NCOA2: variants seen among roughly 807,000 people sequenced by gnomAD.
NCOA2 encodes class E basic helix-loop-helix protein 75.
Under a neutral mutation model 145.1 loss-of-function variants are expected in NCOA2, and 21 were observed. The observed-to-expected ratio is 0.14, with a 90% CI of 0.10 to 0.21. NCOA2 has a LOEUF of 0.21. Among genes scored for constraint, NCOA2 ranks in the 10% least tolerant of loss-of-function variants. The pLI is 1.00. For synonymous variants in NCOA2, 619 were observed against 637.5 expected (o/e 0.97, Z 0.44); for missense variants, 1,472 against 1,837.6 (o/e 0.80, Z 3.64).
chr8:70,213,797 T>C lies in NCOA2; in HGVS notation c.259+106A>G, dbSNP rs1586126338. On this transcript the variant is annotated intron_variant, in intron 4 of 22. Coordinates refer to ENST00000452400, the MANE Select transcript of NCOA2 (RefSeq NM_006540.4). ...CACTGTGACATCATTTCCTCATCAA[T>C]AATTTAAGCATAAGAAATGGATTAA... is the stretch of plus-strand genomic sequence containing the variant. 6.6e-6 allele frequency: 6 copies of C among 910,774 alleles called. No homozygotes were observed. The East Asian group carries it at 1.3e-4, about 20-fold the overall frequency. The allele number at this position is 910,774 out of a possible 1,614,324, so 56.4% of individuals were successfully genotyped here. A position where few individuals can be genotyped will look rare whatever the true frequency, so the allele number is the denominator to read the frequency against.
chr8:70,227,772 T>C (rs1820783614), intron 2 of NCOA2, among the ~76,000 whole-genome samples: 1 of 152,066 alleles, frequency 6.6e-6, no homozygotes, highest in Non-Finnish European at 1.5e-5. Context: ...CCCAGCACTA[T>C]GGGAGGCAGA....
chr8:70,146,098 T>C (rs1239707511), intron 12 of NCOA2, among the ~76,000 whole-genome samples: 1 of 152,216 alleles, frequency 6.6e-6, no homozygotes, highest in Non-Finnish European at 1.5e-5. Context: ...TATTAGAACA[T>C]CACTTCTTAA....
the NCOA2 span, among the ~76,000 whole-genome samples, chr8:70,451,528 G>A: frequency 4.6e-5 from 7 of 151,610 alleles, no homozygotes; most frequent in African/African-American, 2.4e-5. Context: ...TAATGTGTGC[G>A]TTTCTTCTGT....
In NCOA2 at chr8:70,163,557, G is replaced by C. The variant is rs1813290543; in HGVS notation, c.740C>G (p.Ser247Cys). The change falls in exon 8 of 23, where the codon TCC (serine) becomes TGC (cysteine). Residue 247 changes from serine (S) to cysteine (C), a missense_variant. Ser to Cys is a moderately radical substitution (Grantham distance 112). Coordinates refer to ENST00000452400, the MANE Select transcript of NCOA2 (RefSeq NM_006540.4). ...TCTTCTTGCCACGCAAATCAAGCAGGACTGCAAATCTTAAACCACACATGT... is the reference window on the plus strand; with the variant it reads ...TCTTCTTGCCACGCAAATCAAGCAGCACTGCAAATCTTAAACCACACATGT... ...SIKEEGEDLQ[S>C]CLICVARRVP... The C allele has an allele frequency of 6.2e-7, 1 of 1,613,346 alleles. No individual in the cohort carries two copies. Among genetic ancestry groups the C allele is most frequent in the African/African-American group, 1.3e-5 (1 of 74,880 alleles).
chr8:70,196,033 T>C (rs1298780306), intron 4 of NCOA2, among the ~76,000 whole-genome samples: 1 of 152,162 alleles, frequency 6.6e-6, no homozygotes, highest in Non-Finnish European at 1.5e-5. Context: ...AGTATTCAGA[T>C]AGTGTTCATG....
the NCOA2 span, among the ~76,000 whole-genome samples, chr8:70,430,194 T>C: frequency 6.6e-6 from 1 of 152,184 alleles, no homozygotes; most frequent in Non-Finnish European, 1.5e-5. Flanking sequence ...TGAATTGTAA[T>C]AGAAAGCAAG....
intron 1 of NCOA2, among the ~76,000 whole-genome samples, chr8:70,375,046 T>C (rs965065527): frequency 5.3e-5 from 8 of 151,544 alleles, no homozygotes; most frequent in Admixed American, 3.9e-4. Context: ...TCCTGGTAAA[T>C]GAAAAAAAAA....
intron 15 of NCOA2, among the ~76,000 whole-genome samples, chr8:70,134,950 T>C (rs563119151): frequency 2.6e-5 from 4 of 152,180 alleles, no homozygotes; most frequent in Non-Finnish European, 4.4e-5. Flanking sequence ...CAGGTTCCCA[T>C]TCCCAAAGCA....
chr8:70,151,613 A>G lies in NCOA2; in HGVS notation c.2395-3130T>C, dbSNP rs543523255. Reference sequence around the variant, plus strand: ...TAAATACATTTTTCTTAAGAAAGCCATTCAGGATCTTCTTAGTATCAAAAG... The same window carrying G: ...TAAATACATTTTTCTTAAGAAAGCCGTTCAGGATCTTCTTAGTATCAAAAG... On this transcript the variant is annotated intron_variant, in intron 11 of 22. Coordinates refer to ENST00000452400, the MANE Select transcript of NCOA2 (RefSeq NM_006540.4). 3.9e-5 allele frequency among the ~76,000 whole-genome samples: 6 copies of G among 152,310 alleles called. No homozygotes were observed. In the South Asian group the frequency reaches 1.2e-3, roughly 32 times the overall value.
At position 70,156,501 on chromosome 8, in the gene NCOA2, T is replaced by C; in HGVS notation, c.1864A>G (p.Ser622Gly). Reference sequence around the variant, plus strand: ...CTCTGCCCGTCAGCTCTCTCACTGCTCACGGCCGGGGGCAGGTTGGGGTCA... The same window carrying C: ...CTCTGCCCGTCAGCTCTCTCACTGCCCACGGCCGGGGGCAGGTTGGGGTCA... ...TNDPNLPPAVSSERADGQSRL... is the reference protein window; with the variant it reads ...TNDPNLPPAVGSERADGQSRL... The change falls in exon 11 of 23, where the codon AGC (serine) becomes GGC (glycine). Residue 622 changes from serine to glycine, a missense_variant. Transcript: ENST00000452400. The C allele has an allele frequency of 6.2e-7, 1 of 1,613,904 alleles. No individual in the cohort carries two copies. The highest frequency in any genetic ancestry group is 1.1e-5 in the South Asian group (1 of 91,078).
At chr8:70,369,511 G>T (rs1811020853) in intron 1 of NCOA2, among the ~76,000 whole-genome samples, 1 of 152,138 alleles carries the variant, frequency 6.6e-6, no homozygotes, top group Non-Finnish European at 1.5e-5. Context: ...GTGAGGCATG[G>T]ACCCAATTAT....
At chr8:70,122,424 T>C (rs1807927481) in intron 21 of NCOA2, among the ~76,000 whole-genome samples, 1 of 141,958 alleles carries the variant, frequency 7.0e-6, no homozygotes, top group South Asian at 2.2e-4. Flanking sequence ...TAATTTAAAC[T>C]TTTTTTTTTT....
intron 1 of NCOA2, among the ~76,000 whole-genome samples, chr8:70,341,430 T>C (rs1808132648): frequency 6.6e-6 from 1 of 152,204 alleles, no homozygotes; most frequent in Non-Finnish European, 1.5e-5. Flanking sequence ...GTTAAAATTC[T>C]ATGAAACTGG....
chr8:70,426,443 A>G, the NCOA2 span, among the ~76,000 whole-genome samples: 1 of 152,246 alleles, frequency 6.6e-6, no homozygotes, highest in Non-Finnish European at 1.5e-5. Flanking sequence ...TGAAGAAATC[A>G]ATTCAAATTG....
At chr8:70,224,494 A>G (rs992963638) in intron 2 of NCOA2, among the ~76,000 whole-genome samples, 5 of 152,000 alleles carry the variant, frequency 3.3e-5, no homozygotes, top group African/African-American at 1.2e-4. Context: ...ACCTATACCT[A>G]TAATTTATCA....
intron 15 of NCOA2, 110 bp downstream of exon 15, chr8:70,138,093 A>T (rs976240590): frequency 4.2e-5 from 50 of 1,196,590 alleles, no homozygotes; most frequent in Admixed American, 8.2e-5. Flanking sequence ...CACAGTAGAT[A>T]ATATAGTACC....
chr8:70,307,220 C>CAAAAAAAAAAAAAAAAAAAAAAAAAAA (rs57161747), intron 1 of NCOA2, among the ~76,000 whole-genome samples: 1 of 71,642 alleles, frequency 1.4e-5, no homozygotes, highest in Non-Finnish European at 3.1e-5. Flanking sequence ...CCTACATAAG[C>CAAAAAAAAAAAAAAAAAAAAAAAAAAA]AAAAAAAAAA....
chr8:70,291,934 G>A (rs1344252489), intron 2 of NCOA2, among the ~76,000 whole-genome samples: 1 of 151,868 alleles, frequency 6.6e-6, no homozygotes, highest in Admixed American at 6.6e-5. Flanking sequence ...CCCGTAGCCG[G>A]GTGCGGTGGC....
intron 1 of NCOA2, among the ~76,000 whole-genome samples, chr8:70,391,824 G>C (rs1160326329): frequency 6.6e-6 from 1 of 152,116 alleles, no homozygotes; most frequent in African/African-American, 2.4e-5. Flanking sequence ...AGCCATTTTG[G>C]GGACAGCTTG....
Sources: allele counts gnomAD v4.1 joint callset (sites outside exome capture counted in the v4.1 genomes callset), GRCh38; gene constraint gnomAD v4.1.1; transcripts MANE v1.5; gene names NCBI Gene and HGNC (gene_info 2026-07-23, HGNC 2026-07-21).